Variants in IQCK observed in about 807,000 individuals in gnomAD.
The protein encoded by IQCK is IQ domain-containing protein K.
Under a neutral mutation model 28.1 loss-of-function variants are expected in IQCK, and 29 were observed. The ratio of observed to expected loss-of-function variants is 1.03; its 90% confidence interval spans 0.77 to 1.41. The LOEUF (loss-of-function observed/expected upper bound fraction) is 1.41, where lower values mean the gene tolerates loss of function less well. Among genes scored for constraint, IQCK ranks in the 40% most tolerant of loss-of-function variants. IQCK has a pLI of 0.00. For synonymous variants in IQCK, 113 were observed against 115.1 expected (o/e 0.98, Z 0.12); for missense variants, 359 against 314.7 (o/e 1.14, Z -1.07).
intron 9 of IQCK, among the ~76,000 whole-genome samples, chr16:19,843,289 G>T (rs1269728683): frequency 6.6e-6 from 1 of 152,068 alleles, no homozygotes; most frequent in Non-Finnish European, 1.5e-5. Flanking sequence ...CACAGAATTT[G>T]CAACCATCAC....
At chr16:19,854,266 A>C (rs1046325362) in intron 9 of IQCK, among the ~76,000 whole-genome samples, 1 of 152,268 alleles carries the variant, frequency 6.6e-6, no homozygotes, top group African/African-American at 2.4e-5. Context: ...ACTAGCATCC[A>C]TCAGAATCAC....
chr16:19,831,658 T>G (rs533464923), downstream of IQCK, among the ~76,000 whole-genome samples: 29 of 150,520 alleles, frequency 1.9e-4, no homozygotes, highest in Non-Finnish European at 4.1e-4. Context: ...TTCAACTTCA[T>G]TAAAAAAAAA....
chr16:19,789,314 G>A (rs1189271544), intron 7 of IQCK: 2 of 61,902 alleles, frequency 3.2e-5, no homozygotes, highest in Non-Finnish European at 5.4e-5. Context: ...GGGAGGCGGA[G>A]GTGGGAGGAT....
intron 4 of IQCK, among the ~76,000 whole-genome samples, chr16:19,740,310 C>A (rs2054815411): frequency 6.6e-6 from 1 of 152,154 alleles, no homozygotes; most frequent in Non-Finnish European, 1.5e-5. Context: ...CTGCTATGAT[C>A]ATCATCAGAA....
At chr16:19,738,433 A>T (rs1175043441) in intron 4 of IQCK, among the ~76,000 whole-genome samples, 1 of 152,194 alleles carries the variant, frequency 6.6e-6, no homozygotes, top group Non-Finnish European at 1.5e-5. Flanking sequence ...TATATTAATT[A>T]TGCAAATAAT....
chr16:19,767,130 G>A (rs778641911), intron 6 of IQCK, among the ~76,000 whole-genome samples: 3 of 152,206 alleles, frequency 2.0e-5, no homozygotes, highest in Non-Finnish European at 2.9e-5. Flanking sequence ...GAGCATACAG[G>A]CAGGCAGGTT....
chr16:19,822,062 T>C, intron 7 of IQCK, among the ~76,000 whole-genome samples: 1 of 117,212 alleles, frequency 8.5e-6, no homozygotes. Flanking sequence ...AATGAGACCC[T>C]GTCTCAAAAA....
At chr16:19,759,801 G>A (rs980562565) in intron 4 of IQCK, among the ~76,000 whole-genome samples, 4 of 152,152 alleles carry the variant, frequency 2.6e-5, no homozygotes, top group African/African-American at 9.7e-5. Context: ...AACATAGTGA[G>A]ACCTCATCTC....
chr16:19,766,530 A>C (rs1030278026), intron 6 of IQCK, among the ~76,000 whole-genome samples: 5 of 152,226 alleles, frequency 3.3e-5, no homozygotes, highest in Admixed American at 3.3e-4. Context: ...CAAAGTTCTT[A>C]AGGAGAACAA....
At chr16:19,781,475 G>A (rs1012860408) in intron 6 of IQCK, among the ~76,000 whole-genome samples, 9 of 152,264 alleles carry the variant, frequency 5.9e-5, no homozygotes, top group Admixed American at 2.6e-4. Flanking sequence ...AGGGGCCAAA[G>A]CAACATCATA....
At chr16:19,757,855 ATTTG>A (rs1243687432) in intron 4 of IQCK, among the ~76,000 whole-genome samples, 2 of 152,054 alleles carry the variant, frequency 1.3e-5, no homozygotes, top group Admixed American at 6.5e-5. Flanking sequence ...ATTTTGCTTT[ATTTG>A]TTTTATCACA....
At position 19,730,417 on chromosome 16, in the gene IQCK, CCCTTCCCTTTAGAGTAT is replaced by C; in HGVS notation, c.182-12_186del. ...AAGTATGGAATTGAGGATTTTTTTT[CCCTTCCCTTTAGAGTAT>C]GAAGCTGAGCAGCCTCCCTTTCCAG... On this transcript the variant is annotated splice_acceptor_variant and splice_polypyrimidine_tract_variant and coding_sequence_variant and intron_variant, in exon 2 of 8. Transcript: ENST00000564186. LOFTEE classifies it high-confidence loss of function. 6.4e-7 allele frequency: 1 copy of C among 1,574,250 alleles called. No individual in the cohort carries two copies. Among genetic ancestry groups the C allele is most frequent in the Non-Finnish European group, 8.6e-7 (1 of 1,162,688 alleles).
At chr16:19,731,896 G>A (rs1977852026) in intron 2 of IQCK, among the ~76,000 whole-genome samples, 2 of 152,148 alleles carry the variant, frequency 1.3e-5, no homozygotes, top group South Asian at 2.1e-4. Context: ...CCAGTCTGAG[G>A]GCCTCTGTTT....
chr16:19,754,629 T>C (rs1219944803), intron 4 of IQCK, among the ~76,000 whole-genome samples: 1 of 125,286 alleles, frequency 8.0e-6, no homozygotes, highest in Non-Finnish European at 1.5e-5. Context: ...CAGAATTTTT[T>C]TCTCTTTCTT....
intron 7 of IQCK, among the ~76,000 whole-genome samples, chr16:19,822,080 A>C (rs969524178): frequency 3.4e-5 from 5 of 145,140 alleles, no homozygotes; most frequent in South Asian, 4.2e-4. Context: ...AAAAAAAAAA[A>C]AAACAAAAAA....
In IQCK at chr16:19,782,247, A is replaced by G. The variant is rs1597554502; in HGVS notation, c.606-6591A>G. On this transcript the variant is annotated intron_variant, in intron 6 of 7. Coordinates refer to ENST00000564186, the Ensembl canonical transcript of IQCK. Reference sequence around the variant, plus strand: ...GTTAATGAAAAGTGGAAGGCCGGGCATGGTGGCAGGCGCCTGTAATCCCAG... The same window carrying G: ...GTTAATGAAAAGTGGAAGGCCGGGCGTGGTGGCAGGCGCCTGTAATCCCAG... Among the ~76,000 whole-genome samples, 4 of 143,018 alleles carry G rather than the reference A, an allele frequency of 2.8e-5. No individual in the cohort carries two copies. The Admixed American group carries it at 2.8e-4, about 10-fold the overall frequency. The allele number at this position is 143,018 out of a possible 152,430, so 93.8% of individuals were successfully genotyped here.
At chr16:19,839,439 G>A (rs538546233) in intron 9 of IQCK, among the ~76,000 whole-genome samples, 2 of 151,960 alleles carry the variant, frequency 1.3e-5, no homozygotes, top group Non-Finnish European at 2.9e-5. Flanking sequence ...GGGATTACAG[G>A]TGTGAGCCAC....
chr16:19,837,313 ATC>A (rs2056310884), intron 9 of IQCK, among the ~76,000 whole-genome samples: 1 of 152,020 alleles, frequency 6.6e-6, no homozygotes, highest in Non-Finnish European at 1.5e-5. Context: ...AGGCAGGAGG[ATC>A]TCTTGGTCTT....
intron 4 of IQCK, among the ~76,000 whole-genome samples, chr16:19,737,494 G>A (rs1369259825): frequency 1.3e-5 from 2 of 152,054 alleles, no homozygotes; most frequent in African/African-American, 4.8e-5. Flanking sequence ...ACATTCCTTT[G>A]ACAGGCGTCA....
Sources: gnomAD v4.1 joint callset for allele counts (sites outside exome capture counted in the v4.1 genomes callset) on GRCh38, gnomAD v4.1.1 for gene constraint, MANE v1.5 for transcripts, NCBI Gene and HGNC (gene_info 2026-07-23, HGNC 2026-07-21) for gene names.